The following ACYP2 variants were observed in gnomAD, a reference collection of about 807,000 sequenced individuals.
The protein encoded by ACYP2 is acylphosphatase-2.
A neutral mutation model predicts 11.2 loss-of-function variants in ACYP2; 12 were observed. The ratio of observed to expected loss-of-function variants is 1.08; its 90% CI spans 0.69 to 1.74. ACYP2 has a LOEUF of 1.74. Among genes scored for constraint, ACYP2 ranks in the 40% most tolerant of loss-of-function variants. The pLI, the probability that ACYP2 is intolerant of heterozygous loss-of-function variation, is 0.00. For missense variants in ACYP2, 134 were observed against 101.9 expected (o/e 1.31, Z -1.35); for synonymous variants, 43 against 32.2 (o/e 1.33, Z -1.13).
intron 6 of ACYP2, among the ~76,000 whole-genome samples, chr2:54,240,744 G>A (rs1686696816): frequency 6.6e-6 from 1 of 152,126 alleles, no homozygotes; most frequent in Admixed American, 6.5e-5. Context: ...GGAACATAGA[G>A]AACTAAGAGT....
chr2:54,192,298 ATAG>A (rs1385062612), intron 6 of ACYP2, among the ~76,000 whole-genome samples: 1 of 152,096 alleles, frequency 6.6e-6, no homozygotes, highest in African/African-American at 2.4e-5. Flanking sequence ...AATGCTCTAG[ATAG>A]TAGAAGAGAG....
intron 2 of ACYP2, among the ~76,000 whole-genome samples, chr2:53,981,006 C>A (rs1210192496): frequency 6.6e-6 from 1 of 152,142 alleles, no homozygotes; most frequent in Non-Finnish European, 1.5e-5. Flanking sequence ...CCCACCTCCA[C>A]CTCATAAAAT....
At chr2:53,980,749 G>A (rs1227481839) in intron 2 of ACYP2, among the ~76,000 whole-genome samples, 1 of 151,032 alleles carries the variant, frequency 6.6e-6, no homozygotes, top group Non-Finnish European at 1.5e-5. Context: ...CTGTATAGGT[G>A]TACTTTTTTT....
intron 2 of ACYP2, among the ~76,000 whole-genome samples, chr2:53,982,129 G>C (rs1006968405): frequency 2.6e-5 from 4 of 151,766 alleles, no homozygotes; most frequent in Admixed American, 6.6e-5. Flanking sequence ...CAAAGAGGAC[G>C]TACACTCTTT....
chr2:54,013,356 A>C (rs1215552375), intron 2 of ACYP2, among the ~76,000 whole-genome samples: 1 of 145,882 alleles, frequency 6.9e-6, no homozygotes, highest in Non-Finnish European at 1.5e-5. Flanking sequence ...GCTGGGGTGC[A>C]ATGTCACAAT....
At chr2:53,980,365 T>A (rs1671688940) in intron 2 of ACYP2, among the ~76,000 whole-genome samples, 1 of 151,868 alleles carries the variant, frequency 6.6e-6, no homozygotes, top group African/African-American at 2.4e-5. Flanking sequence ...AAAAAAAATT[T>A]TTTTTTTTTA....
intron 6 of ACYP2, among the ~76,000 whole-genome samples, chr2:54,184,564 GA>G (rs1324555322): frequency 6.6e-6 from 1 of 151,928 alleles, no homozygotes; most frequent in Non-Finnish European, 1.5e-5. Context: ...AAATATAACA[GA>G]AAATAAGATA....
chr2:53,991,880 C>T (rs1353676655), intron 2 of ACYP2, among the ~76,000 whole-genome samples: 2 of 152,040 alleles, frequency 1.3e-5, no homozygotes, highest in Admixed American at 6.6e-5. Flanking sequence ...TAGGGTACTG[C>T]AGACTCGAGC....
intron 4 of ACYP2, among the ~76,000 whole-genome samples, chr2:54,126,159 A>G (rs1231929761): frequency 6.6e-6 from 1 of 152,238 alleles, no homozygotes; most frequent in East Asian, 1.9e-4. Flanking sequence ...TTCATAGGCC[A>G]GTTTGCAGAA....
At chr2:54,185,516 TACCGCCTAAAGCATAG>T (rs1250754483) in intron 6 of ACYP2, among the ~76,000 whole-genome samples, 1 of 152,120 alleles carries the variant, frequency 6.6e-6, no homozygotes, top group Non-Finnish European at 1.5e-5. Flanking sequence ...TTTGGTTATT[TACCGCCTAAAGCATAG>T]GGATTTTTTT....
chr2:54,244,104 T>C (rs192944925), intron 6 of ACYP2, among the ~76,000 whole-genome samples: 1 of 152,298 alleles, frequency 6.6e-6, no homozygotes, highest in Non-Finnish European at 1.5e-5. Context: ...GTATGAGGCA[T>C]GAATTCAACT....
intron 4 of ACYP2, 135 bp from the exon 2 acceptor site, chr2:54,135,318 T>C (rs964052142): frequency 8.4e-6 from 6 of 714,852 alleles, no homozygotes; most frequent in Non-Finnish European, 1.4e-5. Context: ...CCACAGTTGA[T>C]GGAGGATTAA....
chr2:53,978,247 G>A (rs1671589316), intron 2 of ACYP2, among the ~76,000 whole-genome samples: 2 of 148,260 alleles, frequency 1.3e-5, no homozygotes, highest in African/African-American at 5.0e-5. Context: ...GGGTGACAGA[G>A]TGAGACTCCA....
intron 4 of ACYP2, among the ~76,000 whole-genome samples, chr2:54,120,245 T>A (rs1234400039): frequency 6.6e-6 from 1 of 152,212 alleles, no homozygotes; most frequent in African/African-American, 2.4e-5. Context: ...CCCATCAACT[T>A]CCCTTGCATC....
intron 2 of ACYP2, among the ~76,000 whole-genome samples, chr2:53,998,951 G>C (rs1303651507): frequency 6.6e-6 from 1 of 152,146 alleles, no homozygotes; most frequent in East Asian, 1.9e-4. Flanking sequence ...GAGTCATGTG[G>C]AGGGATCCCA....
intron 4 of ACYP2, among the ~76,000 whole-genome samples, chr2:54,100,547 G>T (rs932722152): frequency 6.6e-6 from 1 of 151,872 alleles, no homozygotes; most frequent in Admixed American, 6.6e-5. Flanking sequence ...GGGCTGGAGA[G>T]ATCATCCTGC....
At chr2:54,046,167 CAA>C (rs36114622) in intron 2 of ACYP2, among the ~76,000 whole-genome samples, 1,675 of 55,834 alleles carry the variant, frequency 0.03, 5 homozygotes, top group African/African-American at 0.036. Context: ...CAGACCCTGT[CAA>C]AAAAAAAAAA....
chr2:54,214,696 C>T (rs961029522), intron 6 of ACYP2, among the ~76,000 whole-genome samples: 3 of 151,916 alleles, frequency 2.0e-5, no homozygotes, highest in African/African-American at 7.3e-5. Flanking sequence ...TTTGCTTTTT[C>T]TGTTTTTGTT....
At chr2:53,981,067 T>C (rs1187361028) in intron 2 of ACYP2, among the ~76,000 whole-genome samples, 3 of 152,278 alleles carry the variant, frequency 2.0e-5, no homozygotes, top group South Asian at 2.1e-4. Context: ...TACCATTTTT[T>C]ATCTTTTATA....
Sources: allele counts gnomAD v4.1 joint callset (sites outside exome capture counted in the v4.1 genomes callset), GRCh38; gene constraint gnomAD v4.1.1; transcripts MANE v1.5; gene names NCBI Gene and HGNC (gene_info 2026-07-23, HGNC 2026-07-21).